Variants in TMEM167A observed in about 807,000 individuals in gnomAD.
The protein encoded by TMEM167A is transmembrane protein 167A.
In TMEM167A, 8 loss-of-function variants were observed where a neutral mutation model predicts 11.6. The ratio of observed to expected loss-of-function variants is 0.69; its 90% CI spans 0.40 to 1.24. The LOEUF (loss-of-function observed/expected upper bound fraction) is 1.24. Ranked by LOEUF, TMEM167A falls within the 50% of genes most tolerant of loss-of-function variation. The probability of loss-of-function intolerance (pLI) is 0.01; values close to 1 mark genes in which losing one functional copy is unlikely to be tolerated. For missense variants in TMEM167A, 62 were observed against 87.0 expected (o/e 0.71, Z 1.14); for synonymous variants, 22 against 28.0 (o/e 0.79, Z 0.67).
At chr5:83,061,758 T>A in intron 3 of TMEM167A, 119 bp downstream of exon 3, 2 of 984,724 alleles carry the variant, frequency 2.0e-6, no homozygotes, top group Non-Finnish European at 3.1e-6. Context: ...TTTGCGAAAA[T>A]GCATAAAATT....
chr5:83,066,007 TG>T (rs1235093826), intron 1 of TMEM167A, among the ~76,000 whole-genome samples: 1 of 152,168 alleles, frequency 6.6e-6, no homozygotes, highest in Non-Finnish European at 1.5e-5. Context: ...CATAGCAAAC[TG>T]TTACCTTTAT....
chr5:83,063,557 A>C (rs551005621), intron 2 of TMEM167A, among the ~76,000 whole-genome samples: 34 of 152,232 alleles, frequency 2.2e-4, no homozygotes, highest in Admixed American at 4.6e-4. Context: ...AAACTGGTAC[A>C]ACAGGATTAA....
intron 1 of TMEM167A, among the ~76,000 whole-genome samples, chr5:83,075,730 G>C (rs533423982): frequency 1.4e-5 from 2 of 146,598 alleles, no homozygotes; most frequent in Non-Finnish European, 3.0e-5. Flanking sequence ...GGGCAACAGA[G>C]GGAGACTCCA....
intron 1 of TMEM167A, among the ~76,000 whole-genome samples, chr5:83,072,899 A>T (rs758138841): frequency 1.3e-5 from 2 of 152,216 alleles, no homozygotes; most frequent in African/African-American, 4.8e-5. Flanking sequence ...TCATGGGTTC[A>T]TAAGATCAGA....
chr5:83,075,886 C>T (rs1231126814), intron 1 of TMEM167A, among the ~76,000 whole-genome samples: 1 of 152,190 alleles, frequency 6.6e-6, no homozygotes. Flanking sequence ...CTAAGTTAGC[C>T]TTCTTGAAAC....
rs763536243 is a variant in TMEM167A at position 83,061,869 on chromosome 5, A to C, written c.148+8T>G. The C allele has an allele frequency of 8.0e-5, 129 of 1,611,172 alleles. No homozygotes were observed. Among genetic ancestry groups the C allele is most frequent in the Non-Finnish European group, 1.1e-4 (127 of 1,177,516 alleles). ...CTGAAGAAATGGAGGGAGATTATAGACACTTACCAATTCTGGCACACTTCC... is the reference window on the plus strand; with the variant it reads ...CTGAAGAAATGGAGGGAGATTATAGCCACTTACCAATTCTGGCACACTTCC... On this transcript the variant is annotated splice_region_variant and intron_variant, in intron 3 of 3. Transcript: ENST00000502346.
At chr5:83,072,061 T>C (rs1395714525) in intron 1 of TMEM167A, among the ~76,000 whole-genome samples, 2 of 152,224 alleles carry the variant, frequency 1.3e-5, no homozygotes, top group Admixed American at 6.5e-5. Flanking sequence ...AAAACTACAG[T>C]ACAGAGTAGA....
chr5:83,069,086 G>C (rs1235962330), intron 1 of TMEM167A, among the ~76,000 whole-genome samples: 1 of 152,154 alleles, frequency 6.6e-6, no homozygotes, highest in Non-Finnish European at 1.5e-5. Flanking sequence ...ATTTACAAAA[G>C]AAAACCATTT....
At chr5:83,069,522 C>G (rs951095566) in intron 1 of TMEM167A, among the ~76,000 whole-genome samples, 8 of 151,946 alleles carry the variant, frequency 5.3e-5, no homozygotes, top group Admixed American at 4.6e-4. Context: ...TTCCAAGGTA[C>G]TCTATTGAGT....
chr5:83,067,125 T>C (rs1744494570), intron 1 of TMEM167A, among the ~76,000 whole-genome samples: 1 of 152,134 alleles, frequency 6.6e-6, no homozygotes. Flanking sequence ...GAAGGCAACA[T>C]TGTAAAGACA....
intron 1 of TMEM167A, among the ~76,000 whole-genome samples, chr5:83,072,736 T>C (rs752919214): frequency 6.6e-5 from 10 of 152,150 alleles, no homozygotes; most frequent in Non-Finnish European, 1.3e-4. Flanking sequence ...TTCACCATGT[T>C]GGTCAGGCTA....
intron 3 of TMEM167A, among the ~76,000 whole-genome samples, chr5:83,061,349 G>C (rs1435220797): frequency 6.6e-6 from 1 of 152,144 alleles, no homozygotes; most frequent in South Asian, 2.1e-4. Context: ...CATGGTATTT[G>C]ATATCTAAAT....
At chr5:83,071,584 C>T (rs931065679) in intron 1 of TMEM167A, among the ~76,000 whole-genome samples, 11 of 152,146 alleles carry the variant, frequency 7.2e-5, no homozygotes, top group African/African-American at 2.7e-4. Flanking sequence ...CACAAACACA[C>T]ATATATATAA....
intron 1 of TMEM167A, among the ~76,000 whole-genome samples, chr5:83,076,461 T>A (rs1993948): frequency 0.48 from 73,575 of 152,108 alleles, 18,396 homozygotes; most frequent in African/African-American, 0.58. Context: ...GAAAGATGTA[T>A]AAGAATTAAG....
At chr5:83,069,998 T>A (rs763430440) in intron 1 of TMEM167A, among the ~76,000 whole-genome samples, 1 of 152,194 alleles carries the variant, frequency 6.6e-6, no homozygotes, top group Non-Finnish European at 1.5e-5. Flanking sequence ...AAGAATATTT[T>A]GGAAAATCAA....
chr5:83,067,468 A>T (rs896351914), intron 1 of TMEM167A, among the ~76,000 whole-genome samples: 1 of 152,178 alleles, frequency 6.6e-6, no homozygotes, highest in African/African-American at 2.4e-5. Flanking sequence ...TTTTATGCAA[A>T]GAAAGTGTGA....
chr5:83,061,533 T>G (rs1316173502), intron 3 of TMEM167A, among the ~76,000 whole-genome samples: 2 of 152,132 alleles, frequency 1.3e-5, no homozygotes, highest in Non-Finnish European at 2.9e-5. Flanking sequence ...CTCAGCCTCC[T>G]GAGTAGCTGG....
chr5:83,067,349 T>A (rs906169220), intron 1 of TMEM167A, among the ~76,000 whole-genome samples: 1 of 152,196 alleles, frequency 6.6e-6, no homozygotes, highest in Non-Finnish European at 1.5e-5. Flanking sequence ...AAAAACTATA[T>A]ACATTATTTA....
At chr5:83,073,320 A>T (rs543404756) in intron 1 of TMEM167A, among the ~76,000 whole-genome samples, 30 of 152,348 alleles carry the variant, frequency 2.0e-4, no homozygotes, top group African/African-American at 6.3e-4. Context: ...AGGTCCTTGG[A>T]AAATGCAACT....
Sources: gnomAD v4.1 joint callset for allele counts (sites outside exome capture counted in the v4.1 genomes callset) on GRCh38, gnomAD v4.1.1 for gene constraint, MANE v1.5 for transcripts, NCBI Gene and HGNC (gene_info 2026-07-23, HGNC 2026-07-21) for gene names.